MMP26: variants seen among roughly 807,000 people sequenced by gnomAD.
MMP26 encodes the protein matrix metalloproteinase-26.
Under a neutral mutation model 31.0 loss-of-function variants are expected in MMP26, and 33 were observed. That is an observed-to-expected ratio of 1.06 (90% confidence interval 0.81 to 1.42). The LOEUF (loss-of-function observed/expected upper bound fraction) is 1.42. Ranked by LOEUF, MMP26 falls within the 40% of genes most tolerant of loss-of-function variation. The probability of loss-of-function intolerance (pLI) is 0.00; values close to 1 mark genes in which losing one functional copy is unlikely to be tolerated. For missense variants in MMP26, 347 were observed against 316.1 expected, an observed-to-expected ratio of 1.10 and a Z score of -0.74; for synonymous variants, 122 against 114.9, an observed-to-expected ratio of 1.06 and a Z score of -0.40.
In MMP26 at chr11:4,836,996, A is replaced by G. The variant is rs931764016; in HGVS notation, c.-145+69655A>G. On this transcript the variant is annotated intron_variant, in intron 2 of 7. Coordinates refer to ENST00000380390, the MANE Select transcript of MMP26 (RefSeq NM_021801.5). ...AATATATGAAACACAAAAAGTATAA[A>G]GGAAACTAAATTTAGGTTTGTTTAA... is the stretch of plus-strand genomic sequence containing the variant. 2.6e-5 allele frequency among the ~76,000 whole-genome samples: 4 copies of G among 152,106 alleles called. 1 individual carries two copies. The highest frequency in any genetic ancestry group is 5.9e-5 in the Non-Finnish European group (4 of 68,014).
At chr11:4,935,431 C>T (rs1389712671) in intron 2 of MMP26, among the ~76,000 whole-genome samples, 4 of 151,672 alleles carry the variant, frequency 2.6e-5, no homozygotes, top group Non-Finnish European at 2.9e-5. Flanking sequence ...GATTTTGTAT[C>T]CTGAGACTTT....
At chr11:4,803,404 T>G (rs1161110218) in intron 2 of MMP26, 1 of 1,407,376 alleles carries the variant, frequency 7.1e-7, no homozygotes, top group Non-Finnish European at 9.8e-7. Flanking sequence ...TGGGGCAATG[T>G]AAGTGATGGG....
At chr11:4,975,034 AG>A (rs950611126) in intron 2 of MMP26, among the ~76,000 whole-genome samples, 8 of 152,016 alleles carry the variant, frequency 5.3e-5, no homozygotes, top group African/African-American at 1.9e-4. Context: ...ATGGGTTGAT[AG>A]GTGCAGCAAA....
chr11:4,803,477 T>A, intron 2 of MMP26: 1 of 1,613,484 alleles, frequency 6.2e-7, no homozygotes, highest in South Asian at 1.1e-5. Context: ...CTGTCCCCGA[T>A]CTGTTTGGTT....
At chr11:4,766,296 C>T (rs562788495) in intron 1 of MMP26, among the ~76,000 whole-genome samples, 8 of 152,220 alleles carry the variant, frequency 5.3e-5, no homozygotes, top group Admixed American at 1.3e-4. Flanking sequence ...TAGAATTATG[C>T]GAAGTGGTGG....
chr11:4,769,660 G>A (rs117939637), intron 2 of MMP26: 38,145 of 1,612,796 alleles, frequency 0.024, 845 homozygotes, highest in Middle Eastern at 0.088. Context: ...CAAACCAGAG[G>A]ATACCTAATG....
chr11:4,989,994 A>C (rs757873931), intron 4 of MMP26, 126 bp downstream of exon 4: 1 of 696,514 alleles, frequency 1.4e-6, no homozygotes, highest in Non-Finnish European at 2.4e-6. Flanking sequence ...CAAAGCCCAA[A>C]ATCTCCCTCA....
intron 2 of MMP26, among the ~76,000 whole-genome samples, chr11:4,807,177 T>C (rs1305349568): frequency 6.6e-6 from 1 of 152,208 alleles, no homozygotes; most frequent in Non-Finnish European, 1.5e-5. Flanking sequence ...TTATAAACCT[T>C]TGGGTAAATA....
chr11:4,924,369 G>A (rs768694696), intron 2 of MMP26: 3 of 1,551,442 alleles, frequency 1.9e-6, no homozygotes, highest in South Asian at 2.5e-5. Flanking sequence ...CAGAAACCTG[G>A]AATATAGAAT....
At chr11:4,872,272 G>A (rs182190476) in intron 2 of MMP26, among the ~76,000 whole-genome samples, 190 of 152,064 alleles carry the variant, frequency 1.2e-3, no homozygotes, top group Admixed American at 2.0e-3. Flanking sequence ...AACACACAAG[G>A]ATATTGCTTG....
chr11:4,825,064 T>C (rs995031976), intron 2 of MMP26, among the ~76,000 whole-genome samples: 14 of 152,078 alleles, frequency 9.2e-5, no homozygotes, highest in Non-Finnish European at 1.9e-4. Context: ...TTATTTTGGG[T>C]GCAATGAGAA....
At chr11:4,847,285 T>A (rs1473015783) in intron 2 of MMP26, among the ~76,000 whole-genome samples, 1 of 152,222 alleles carries the variant, frequency 6.6e-6, no homozygotes, top group African/African-American at 2.4e-5. Flanking sequence ...GAATGTATAC[T>A]GCTGCTACTA....
rs111967876 is a variant in MMP26 at position 4,765,195 on chromosome 11, G to C, written c.-216-2075G>C. Reference sequence around the variant, plus strand: ...TCTATGTAAGCCACATTGCCCAGGAGCTGTTTCTAGGCAATCACTGACCAT... The same window carrying C: ...TCTATGTAAGCCACATTGCCCAGGACCTGTTTCTAGGCAATCACTGACCAT... On this transcript the variant is annotated intron_variant, in intron 1 of 7. Coordinates refer to ENST00000380390, the MANE Select transcript of MMP26 (RefSeq NM_021801.5). Among the ~76,000 whole-genome samples, 1,022 of 152,246 alleles carry C rather than the reference G, an allele frequency of 6.7e-3. 9 individuals carry two copies. The highest frequency in any genetic ancestry group is 0.023 in the African/African-American group (965 of 41,516).
intron 2 of MMP26, among the ~76,000 whole-genome samples, chr11:4,819,059 C>T (rs1302105885): frequency 4.6e-5 from 7 of 151,966 alleles, no homozygotes; most frequent in Non-Finnish European, 8.8e-5. Flanking sequence ...AAAATTGGGT[C>T]ATTTTTATGA....
At chr11:4,839,867 G>A (rs531153906) in intron 2 of MMP26, among the ~76,000 whole-genome samples, 7 of 151,708 alleles carry the variant, frequency 4.6e-5, no homozygotes, top group African/African-American at 7.3e-5. Context: ...TGTAGAGCAG[G>A]TTCTTGGGAT....
At chr11:4,808,412 C>T (rs1849306503) in intron 2 of MMP26, among the ~76,000 whole-genome samples, 1 of 152,068 alleles carries the variant, frequency 6.6e-6, no homozygotes, top group Non-Finnish European at 1.5e-5. Context: ...AGGATCCCTG[C>T]TACTTCACTG....
At chr11:4,730,624 C>T (rs1184305345) in intron 1 of MMP26, among the ~76,000 whole-genome samples, 1 of 152,172 alleles carries the variant, frequency 6.6e-6, no homozygotes, top group Non-Finnish European at 1.5e-5. Context: ...ATAGTATGCA[C>T]TCAAGACTAC....
chr11:4,804,439 T>G (rs748725481), intron 2 of MMP26: 28 of 1,280,958 alleles, frequency 2.2e-5, no homozygotes, highest in African/African-American at 2.9e-5. Flanking sequence ...ATGATAACAA[T>G]CAAAACAAGT....
intron 2 of MMP26, among the ~76,000 whole-genome samples, chr11:4,856,621 T>C (rs577642136): frequency 3.7e-4 from 56 of 152,242 alleles, no homozygotes; most frequent in Non-Finnish European, 6.8e-4. Context: ...ACAATAATAA[T>C]GGGAGGGTTT....
Sources: allele counts gnomAD v4.1 joint callset (sites outside exome capture counted in the v4.1 genomes callset), GRCh38; gene constraint gnomAD v4.1.1; transcripts MANE v1.5; gene names NCBI Gene and HGNC (gene_info 2026-07-23, HGNC 2026-07-21).